Variants in MYO7A observed in about 807,000 individuals in gnomAD.
The protein encoded by MYO7A is unconventional myosin-VIIa.
A neutral mutation model predicts 263.8 loss-of-function variants in MYO7A; 210 were observed. The observed-to-expected ratio is 0.80, with a 90% CI of 0.71 to 0.89. The LOEUF (loss-of-function observed/expected upper bound fraction) is 0.89, where lower values mean the gene tolerates loss of function less well. Among genes scored for constraint, MYO7A ranks in the 40% least tolerant of loss-of-function variants. The pLI is 0.00. For missense variants in MYO7A, 2,820 were observed against 2,968.3 expected (o/e 0.95, Z 1.16); for synonymous variants, 1,239 against 1,197.3 (o/e 1.03, Z -0.72).
At position 77,152,263 on chromosome 11, in the gene MYO7A, G is replaced by A. The variant is rs56899873; in HGVS notation, c.286-3644G>A. 2.3e-4 allele frequency among the ~76,000 whole-genome samples: 35 copies of A among 152,268 alleles called. No individual in the cohort carries two copies. The East Asian group carries it at 6.0e-3, about 26-fold the overall frequency. ...GCACAGATGGTAGCATCCCTCCCAC[G>A]CTGTTCTGTGGTTTTCCACTGGCCA... On this transcript the variant is annotated intron_variant, in intron 4 of 48. Coordinates refer to ENST00000409709, the MANE Select transcript of MYO7A (RefSeq NM_000260.4).
At chr11:77,157,151 A>G (rs899665245) in intron 7 of MYO7A, 128 bp from the exon 8 acceptor site, 27 of 1,393,064 alleles carry the variant, frequency 1.9e-5, no homozygotes, top group Admixed American at 3.9e-5. Context: ...AAATCCCACC[A>G]TGAAACCCAC....
chr11:77,172,546 G>A (rs1241445113), intron 15 of MYO7A, among the ~76,000 whole-genome samples: 2 of 152,144 alleles, frequency 1.3e-5, no homozygotes, highest in African/African-American at 4.8e-5. Flanking sequence ...GAAGTCCTGG[G>A]AGGCTTCCTG....
intron 15 of MYO7A, among the ~76,000 whole-genome samples, chr11:77,171,355 G>A (rs577813776): frequency 6.6e-6 from 1 of 152,262 alleles, no homozygotes; most frequent in African/African-American, 2.4e-5. Flanking sequence ...GGGGTCACCC[G>A]GTGCTGCTGC....
chr11:77,147,813 C>T lies in MYO7A; in HGVS notation c.148C>T (p.Pro50Ser). The T allele has an allele frequency of 2.5e-6, 4 of 1,610,422 alleles. No homozygotes were observed. The highest frequency in any genetic ancestry group is 3.4e-6 in the Non-Finnish European group (4 of 1,178,942). The change falls in exon 4 of 49, where the codon CCG (proline) becomes TCG (serine). Residue 50 changes from proline to serine, a missense_variant. Transcript: ENST00000409709. ...CTCCCCGCAGGAACACTGGATCTCT[C>T]CGCAGAACGCAACGCACATCAAGCC... ...DDEDNEHWIS[P>S]QNATHIKPMH...
intron 46 of MYO7A, chr11:77,212,297 C>A (rs761109053): frequency 1.5e-4 from 60 of 411,782 alleles, no homozygotes; most frequent in Middle Eastern, 3.5e-4. Context: ...GCTTTCCAGG[C>A]AGACCCTGGA....
chr11:77,205,579 C>A lies in MYO7A; in HGVS notation c.5598C>A (p.Leu1866=), dbSNP rs111033504. The A allele has an allele frequency of 2.9e-3, 4,706 of 1,613,434 alleles. 10 individuals carry two copies. Among genetic ancestry groups the A allele is most frequent in the Admixed American group, 4.0e-3 (241 of 59,962 alleles). ...TGCAGTCCCGAAAGCACTGCCCACT[C>A]GCCATCGACTGCCTGCAACGGCTCC... is the stretch of plus-strand genomic sequence containing the variant. The part of the protein sequence containing the change: ...RFLQSRKHCP[L]AIDCLQRLQK... Residue 1866 remains leucine, a synonymous_variant, in exon 40 of 49, where the codon CTC becomes CTA. Coordinates refer to ENST00000409709, the MANE Select transcript of MYO7A (RefSeq NM_000260.4).
chr11:77,212,028 A>G (rs752513453), intron 46 of MYO7A, 91 bp downstream of exon 46: 2 of 1,102,884 alleles, frequency 1.8e-6, no homozygotes, highest in Non-Finnish European at 2.7e-6. Flanking sequence ...GGAAAGAGCC[A>G]TGGCCTTGGA....
At chr11:77,205,336 G>A in intron 39 of MYO7A, 126 bp from the exon 40 acceptor site, 1 of 1,167,582 alleles carries the variant, frequency 8.6e-7, no homozygotes, top group Non-Finnish European at 1.2e-6. Flanking sequence ...TAGGGTAAAG[G>A]TCAGGAGGGA....
intron 4 of MYO7A, among the ~76,000 whole-genome samples, chr11:77,149,223 G>T (rs1951800736): frequency 7.0e-6 from 1 of 142,136 alleles, no homozygotes; most frequent in Non-Finnish European, 1.5e-5. Flanking sequence ...CCCCAGCAGA[G>T]AGCAGGAGGG....
intron 2 of MYO7A, among the ~76,000 whole-genome samples, chr11:77,132,846 A>G (rs1205098226): frequency 1.3e-5 from 2 of 152,182 alleles, no homozygotes; most frequent in Non-Finnish European, 2.9e-5. Flanking sequence ...AGGCTGAGTA[A>G]TGTGCCCAAG....
Position 77,189,393 on chromosome 11 carries a change from A to G in MYO7A, c.3553A>G (p.Lys1185Glu). ...ISKQLTHNPS[K>E]SSYARGWILV... ...CAAGCAGCTGACCCACAACCCCTCCAAGAGCAGCTATGCCCGGGGCTGGAT... is the reference window on the plus strand; with the variant it reads ...CAAGCAGCTGACCCACAACCCCTCCGAGAGCAGCTATGCCCGGGGCTGGAT... The change falls in exon 28 of 49, where the codon AAG (lysine) becomes GAG (glutamate). Residue 1185 changes from lysine (K) to glutamate (E), a missense_variant. Lys to Glu is a moderately conservative substitution (Grantham distance 56). Coordinates refer to ENST00000409709, the MANE Select transcript of MYO7A (RefSeq NM_000260.4). The G allele has an allele frequency of 6.2e-7, 1 of 1,613,788 alleles. No homozygotes were observed.
chr11:77,160,356 G>C, intron 11 of MYO7A, 74 bp downstream of exon 11: 1 of 1,502,398 alleles, frequency 6.7e-7, no homozygotes, highest in Non-Finnish European at 8.9e-7. Flanking sequence ...CAGGTGCCAA[G>C]GAGTCCTGGG....
intron 2 of MYO7A, among the ~76,000 whole-genome samples, chr11:77,136,261 G>A (rs542450671): frequency 6.6e-6 from 1 of 152,266 alleles, no homozygotes; most frequent in South Asian, 2.1e-4. Context: ...AATCAGCCGA[G>A]ACTCATACTA....
At chr11:77,130,700 C>G (rs782582338) in intron 2 of MYO7A, 48 bp downstream of exon 2, 1 of 1,603,170 alleles carries the variant, frequency 6.2e-7, no homozygotes, top group South Asian at 1.1e-5. Context: ...CAGGCCATAT[C>G]CCCTCATCCA....
intron 27 of MYO7A, 47 bp downstream of exon 27, chr11:77,184,762 G>A (rs1555087441): frequency 1.3e-6 from 2 of 1,581,556 alleles, no homozygotes; most frequent in East Asian, 2.3e-5. Context: ...GTCTTTTGGT[G>A]GCTGAGTGGT....
chr11:77,155,866 C>T lies in MYO7A; in HGVS notation c.286-41C>T, dbSNP rs1371738448. On this transcript the variant is annotated intron_variant, in intron 4 of 48. Coordinates refer to ENST00000409709, the MANE Select transcript of MYO7A (RefSeq NM_000260.4). ...AGAGCTTTCTAGAGTCAGAGTCTCC[C>T]ACATGGAATCAGCGAGCTCCCCATC... The T allele has an allele frequency of 2.0e-6, 3 of 1,521,000 alleles. No homozygotes were observed. In the Admixed American group the frequency reaches 5.9e-5, roughly 30 times the overall value. The allele number at this position is 1,521,000 out of a possible 1,614,324, so 94.2% of individuals were successfully genotyped here. A position where few individuals can be genotyped will look rare whatever the true frequency, so the allele number is the denominator to read the frequency against.
At position 77,204,034 on chromosome 11, in the gene MYO7A, G is replaced by T. The variant is rs1457652030; in HGVS notation, c.5327-42G>T. The T allele has an allele frequency of 3.9e-6, 6 of 1,554,244 alleles. No homozygotes were observed. The South Asian group carries it at 7.2e-5, about 19-fold the overall frequency. ...TGGGGCCTCCGGACCCCAGGCCAGT[G>T]CTCCCTCTATTCGGCACAAGCCCTT... On this transcript the variant is annotated intron_variant, in intron 38 of 48. Coordinates refer to ENST00000409709, the MANE Select transcript of MYO7A (RefSeq NM_000260.4).
In MYO7A at chr11:77,147,821, C is replaced by G. The variant is rs886048669; in HGVS notation, c.156C>G (p.Asn52Lys). 2.5e-6 allele frequency: 4 copies of G among 1,610,448 alleles called. No homozygotes were observed. The highest frequency in any genetic ancestry group is 3.4e-6 in the Non-Finnish European group (4 of 1,178,952). The change falls in exon 4 of 49, where the codon AAC becomes AAG. Residue 52 changes from asparagine (N) to lysine (K), a missense_variant. Asn to Lys is a moderately conservative substitution (Grantham distance 94, BLOSUM62 0). Coordinates refer to ENST00000409709, the MANE Select transcript of MYO7A (RefSeq NM_000260.4). ...EDNEHWISPQNATHIKPMHPT... is the reference protein window; with the variant it reads ...EDNEHWISPQKATHIKPMHPT... Reference sequence around the variant, plus strand: ...AGGAACACTGGATCTCTCCGCAGAACGCAACGCACATCAAGCCTATGCACC... The same window carrying G: ...AGGAACACTGGATCTCTCCGCAGAAGGCAACGCACATCAAGCCTATGCACC...
chr11:77,208,550 C>T lies in MYO7A; in HGVS notation c.5944+33C>T, dbSNP rs1222028053. ...GGCCGGGTCCTGGGATCATCTGAGG[C>T]CCAGAGCAGGGAAGTGTGGGCTCGG... is the stretch of plus-strand genomic sequence containing the variant. On this transcript the variant is annotated intron_variant, in intron 43 of 48. Transcript: ENST00000409709. 9 of 1,592,888 alleles carry T rather than the reference C, an allele frequency of 5.7e-6. No individual in the cohort carries two copies. The South Asian group carries it at 7.9e-5, about 14-fold the overall frequency.
Sources: allele counts gnomAD v4.1 joint callset (sites outside exome capture counted in the v4.1 genomes callset), GRCh38; gene constraint gnomAD v4.1.1; transcripts MANE v1.5; gene names NCBI Gene and HGNC (gene_info 2026-07-23, HGNC 2026-07-21).